PPM1E: variants seen among roughly 807,000 people sequenced by gnomAD.
PPM1E encodes protein phosphatase 1E.
Under a neutral mutation model 65.9 loss-of-function variants are expected in PPM1E, and 20 were observed. The observed-to-expected ratio is 0.30, with a 90% CI of 0.21 to 0.44. The LOEUF (loss-of-function observed/expected upper bound fraction) is 0.44, where lower values mean the gene tolerates loss of function less well. Among genes scored for constraint, PPM1E ranks in the 20% least tolerant of loss-of-function variants. PPM1E has a pLI of 1.00. For synonymous variants in PPM1E, 352 were observed against 374.9 expected (o/e 0.94, Z 0.70); for missense variants, 713 against 953.1 (o/e 0.75, Z 3.32).
chr17:58,965,737 A>G lies in PPM1E; in HGVS notation c.627A>G (p.Leu209=). Residue 209 remains leucine (L), a synonymous_variant, in exon 3 of 7, where the codon CTA becomes CTG. Transcript: ENST00000308249. The stretch of plus-strand genomic sequence containing the variant: ...TGGCCCGTTCTGTCTTCAGCAAACT[A>G]CACGAGATTTGCTGCAGCTGGGTGA... ...VKLARSVFSK[L]HEICCSWVKD... 2 of 1,614,122 alleles carry G rather than the reference A, an allele frequency of 1.2e-6. No individual in the cohort carries two copies. The highest frequency in any genetic ancestry group is 1.1e-5 in the South Asian group (1 of 91,082).
chr17:58,906,988 G>T (rs1291084613), intron 1 of PPM1E, among the ~76,000 whole-genome samples: 1 of 152,156 alleles, frequency 6.6e-6, no homozygotes, highest in Non-Finnish European at 1.5e-5. Context: ...TGTAATCCCG[G>T]CACTTTGAGA....
chr17:58,940,468 A>G (rs2052049079), intron 1 of PPM1E, among the ~76,000 whole-genome samples: 1 of 152,266 alleles, frequency 6.6e-6, no homozygotes, highest in Middle Eastern at 3.4e-3. Flanking sequence ...TCCCTACTTC[A>G]CTGAAAATAT....
rs541668122 is a variant in PPM1E, at chr17:58,908,967, A to T, written c.465-46682A>T. 9.2e-5 allele frequency among the ~76,000 whole-genome samples: 14 copies of T among 152,288 alleles called. 1 individual carries two copies. The South Asian group carries it at 2.7e-3, about 29-fold the overall frequency. On this transcript the variant is annotated intron_variant, in intron 1 of 6. Transcript: ENST00000308249. ...ATATGGATATATATACACACATAAG[A>T]TACATACATATGCATAATCAAATGT...
intron 1 of PPM1E, among the ~76,000 whole-genome samples, chr17:58,800,305 C>T (rs911622825): frequency 6.6e-6 from 1 of 152,040 alleles, no homozygotes; most frequent in Non-Finnish European, 1.5e-5. Context: ...TTATATACTG[C>T]TAGATTCAAT....
intron 1 of PPM1E, among the ~76,000 whole-genome samples, chr17:58,766,748 G>C (rs28483505): frequency 0.23 from 34,757 of 151,842 alleles, 5,153 homozygotes; most frequent in Middle Eastern, 0.42. Flanking sequence ...ATTAAATTCA[G>C]CTATCACTGA....
At chr17:58,769,768 T>C (rs1387463151) in intron 1 of PPM1E, among the ~76,000 whole-genome samples, 1 of 152,144 alleles carries the variant, frequency 6.6e-6, no homozygotes, top group Non-Finnish European at 1.5e-5. Context: ...GGCTCATGCC[T>C]GTAATCCCAG....
At position 58,983,675 on chromosome 17, in the gene PPM1E, G is replaced by GAATT. The variant is rs2031532818; in HGVS notation, c.*2646_*2649dup. The GAATT allele has an allele frequency of 6.6e-6, 1 of 152,620 alleles. No homozygotes were observed. Among genetic ancestry groups the GAATT allele is most frequent in the Admixed American group, 6.5e-5 (1 of 15,270 alleles). The allele number at this position is 152,620 out of a possible 1,614,324, so 9.5% of individuals were successfully genotyped here. On this transcript the variant is annotated 3_prime_UTR_variant, in exon 7 of 7. Transcript: ENST00000308249. Reference sequence around the variant, plus strand: ...CTGTTAATGCTGAGGTATAGTCTGTGAATTATGTGTTTTGTATTTTTATTC... The same window carrying GAATT: ...CTGTTAATGCTGAGGTATAGTCTGTGAATTAATTATGTGTTTTGTATTTTTATTC...
chr17:58,776,418 G>T (rs981711883), intron 1 of PPM1E, among the ~76,000 whole-genome samples: 2 of 152,046 alleles, frequency 1.3e-5, no homozygotes, highest in Admixed American at 6.6e-5. Context: ...GGATTCTTAC[G>T]ACAAAATCTA....
At chr17:58,770,025 TA>T (rs201170335) in intron 1 of PPM1E, among the ~76,000 whole-genome samples, 3 of 151,530 alleles carry the variant, frequency 2.0e-5, no homozygotes, top group Admixed American at 6.6e-5. Flanking sequence ...AAACTCTATC[TA>T]AAAAAAACAA....
At chr17:58,802,609 A>C (rs1211083166) in intron 1 of PPM1E, among the ~76,000 whole-genome samples, 1 of 152,168 alleles carries the variant, frequency 6.6e-6, no homozygotes, top group Admixed American at 6.5e-5. Context: ...GATTGCATTG[A>C]ATCTGTAGAT....
At chr17:58,928,819 C>T (rs1422031791) in intron 1 of PPM1E, among the ~76,000 whole-genome samples, 1 of 151,736 alleles carries the variant, frequency 6.6e-6, no homozygotes, top group Non-Finnish European at 1.5e-5. Flanking sequence ...TCTCCTGCCT[C>T]AGCCTCCTGA....
At chr17:58,780,334 C>T (rs2050038868) in intron 1 of PPM1E, among the ~76,000 whole-genome samples, 1 of 152,178 alleles carries the variant, frequency 6.6e-6, no homozygotes, top group African/African-American at 2.4e-5. Context: ...CATGGTGAAA[C>T]CCTGTCTCCA....
intron 1 of PPM1E, among the ~76,000 whole-genome samples, chr17:58,763,189 A>T (rs1350981454): frequency 6.6e-6 from 1 of 152,110 alleles, no homozygotes; most frequent in African/African-American, 2.4e-5. Context: ...GAGTTCCTTC[A>T]GTGGAGAAGG....
chr17:58,863,519 AGCTCAGTGGGCT>A (rs147850527), intron 1 of PPM1E, among the ~76,000 whole-genome samples: 1,696 of 152,318 alleles, frequency 0.011, 35 homozygotes, highest in African/African-American at 0.039. Flanking sequence ...GCATATCACT[AGCTCAGTGGGCT>A]TTTTGCCTCA....
In PPM1E at chr17:58,969,617, C is replaced by T; in HGVS notation, c.862C>T (p.Leu288Phe). The T allele has an allele frequency of 6.2e-7, 1 of 1,614,126 alleles. No individual in the cohort carries two copies. The highest frequency in any genetic ancestry group is 8.5e-7 in the Non-Finnish European group (1 of 1,180,006). Residue 288 changes from leucine to phenylalanine, a missense_variant, in exon 4 of 7, where the codon CTC becomes TTC. Leu to Phe is a conservative substitution (Grantham distance 22, BLOSUM62 0). This residue lies in a region of PPM1E where 25 missense variants were observed against 73.9 expected (regional missense o/e 0.34). Transcript: ENST00000308249. ...VDAAIYASIH[L>F]HVNLVRQEMF... Reference sequence around the variant, plus strand: ...TGCTGCTATTTATGCCTCCATTCACCTCCACGTTAACTTAGTCCGCCAGGA... The same window carrying T: ...TGCTGCTATTTATGCCTCCATTCACTTCCACGTTAACTTAGTCCGCCAGGA...
intron 2 of PPM1E, 117 bp downstream of exon 2, chr17:58,955,884 G>A (rs2143645415): frequency 8.1e-7 from 1 of 1,233,424 alleles, no homozygotes; most frequent in Non-Finnish European, 1.1e-6. Flanking sequence ...GGTTGTTTAT[G>A]TAGTGGTAGC....
chr17:58,984,238 C>CATTT lies in PPM1E; in HGVS notation c.*3210_*3213dup, dbSNP rs1277990854. 6.6e-6 allele frequency: 1 copy of CATTT among 152,604 alleles called. No homozygotes were observed. The highest frequency in any genetic ancestry group is 1.5e-5 in the Non-Finnish European group (1 of 68,030). 9.5% of individuals were successfully genotyped at this position (152,604 alleles called of 1,614,324 possible). ...TCAACACTGAGTCTAATTTTGACCA[C>CATTT]ATTTATAGTGGTATAGTGTCAATAC... On this transcript the variant is annotated 3_prime_UTR_variant, in exon 7 of 7. Transcript: ENST00000308249.
At chr17:58,978,100 CAA>C (rs762078674) in intron 6 of PPM1E, among the ~76,000 whole-genome samples, 4 of 152,196 alleles carry the variant, frequency 2.6e-5, no homozygotes, top group African/African-American at 7.2e-5. Flanking sequence ...TCAGATTACT[CAA>C]GTGAGTTTAT....
chr17:58,820,677 G>A (rs1194441750), intron 1 of PPM1E, among the ~76,000 whole-genome samples: 1 of 152,084 alleles, frequency 6.6e-6, no homozygotes, highest in Non-Finnish European at 1.5e-5. Flanking sequence ...ATACATCAAT[G>A]ACTATTATTT....
Sources: allele counts gnomAD v4.1 joint callset (sites outside exome capture counted in the v4.1 genomes callset), GRCh38; gene constraint gnomAD v4.1.1; regional missense constraint gnomAD v4.1.1; transcripts MANE v1.5; gene names NCBI Gene and HGNC (gene_info 2026-07-23, HGNC 2026-07-21).